ZNRF1: variants seen among roughly 807,000 people sequenced by gnomAD.
ZNRF1 encodes the protein zinc and ring finger 1.
Under a neutral mutation model 18.4 loss-of-function variants are expected in ZNRF1, and 3 were observed. That is an observed-to-expected ratio of 0.16 (90% CI 0.07 to 0.42). The LOEUF is 0.42. ZNRF1 is among the 10% of genes least tolerant of loss of function. ZNRF1 has a pLI of 0.99. For synonymous variants in ZNRF1, 157 were observed against 144.2 expected (o/e 1.09, Z -0.64); for missense variants, 310 against 329.8 (o/e 0.94, Z 0.47).
chr16:75,066,696 G>A (rs988154796), intron 1 of ZNRF1, among the ~76,000 whole-genome samples: 2 of 151,956 alleles, frequency 1.3e-5, no homozygotes, highest in African/African-American at 4.8e-5. Flanking sequence ...TAGAGATGGG[G>A]TTTCACCATG....
chr16:75,097,626 C>G (rs2036214536), intron 2 of ZNRF1, among the ~76,000 whole-genome samples: 1 of 152,068 alleles, frequency 6.6e-6, no homozygotes, highest in South Asian at 2.1e-4. Flanking sequence ...TTGAAACCAG[C>G]CTGGGCAACA....
chr16:75,035,197 CTATATTTTGTAATTTT>C (rs2035362209), intron 1 of ZNRF1, among the ~76,000 whole-genome samples: 1 of 147,228 alleles, frequency 6.8e-6, no homozygotes, highest in Middle Eastern at 3.3e-3. Flanking sequence ...GTGTGCACAA[CTATATTTTGTAATTTT>C]TGTAGTGACA....
intron 2 of ZNRF1, among the ~76,000 whole-genome samples, chr16:75,096,061 C>CGTGT (rs56013949): frequency 0.097 from 13,584 of 139,508 alleles, 695 homozygotes; most frequent in South Asian, 0.15. Flanking sequence ...TATGTGTGCA[C>CGTGT]GTGTGTGTGT....
In ZNRF1 at chr16:75,107,980, G is replaced by A. The variant is rs1255485428; in HGVS notation, c.*280G>A. On this transcript the variant is annotated 3_prime_UTR_variant, in exon 5 of 5. Coordinates refer to ENST00000335325, the MANE Select transcript of ZNRF1 (RefSeq NM_032268.5). ...TTCTTTTTCATCTTTGAAAGGCATT[G>A]TGGGTCTGTCTTTAAAGTGTTTACA... 1 of 351,852 alleles carries A rather than the reference G, an allele frequency of 2.8e-6. No individual in the cohort carries two copies. Among genetic ancestry groups the A allele is most frequent in the East Asian group, 7.8e-5 (1 of 12,770 alleles). The allele number at this position is 351,852 out of a possible 1,614,324, so 21.8% of individuals were successfully genotyped here. A position where few individuals can be genotyped will look rare whatever the true frequency, so the allele number is the denominator to read the frequency against.
At chr16:75,078,920 T>C (rs1402333164) in intron 1 of ZNRF1, among the ~76,000 whole-genome samples, 1 of 152,158 alleles carries the variant, frequency 6.6e-6, no homozygotes, top group Non-Finnish European at 1.5e-5. Flanking sequence ...CTTAACTTTC[T>C]TAACCTTGGA....
At chr16:75,090,431 A>G (rs1046518669) in intron 1 of ZNRF1, among the ~76,000 whole-genome samples, 4 of 152,096 alleles carry the variant, frequency 2.6e-5, no homozygotes, top group African/African-American at 9.7e-5. Flanking sequence ...TTGCCCGGGC[A>G]GGTCTCAAAC....
intron 2 of ZNRF1, chr16:75,095,641 C>A: frequency 6.5e-7 from 1 of 1,550,174 alleles, no homozygotes. Flanking sequence ...CTGAGAAAAC[C>A]TGGCTCTCAG....
chr16:75,038,860 A>AT (rs960814125), intron 1 of ZNRF1, among the ~76,000 whole-genome samples: 18 of 150,906 alleles, frequency 1.2e-4, no homozygotes, highest in African/African-American at 2.2e-4. Context: ...AAGTGCTGTT[A>AT]TTTTTTTTTT....
At chr16:75,089,678 CAG>C (rs1427374808) in intron 1 of ZNRF1, among the ~76,000 whole-genome samples, 1 of 152,210 alleles carries the variant, frequency 6.6e-6, no homozygotes, top group Non-Finnish European at 1.5e-5. Flanking sequence ...GTGTGCTACT[CAG>C]AGGCCTTCAC....
At chr16:75,005,597 A>G (rs572682107) in intron 1 of ZNRF1, among the ~76,000 whole-genome samples, 4 of 152,316 alleles carry the variant, frequency 2.6e-5, no homozygotes, top group African/African-American at 4.8e-5. Context: ...ATTCGTTCCA[A>G]TACCCACAGT....
intron 1 of ZNRF1, among the ~76,000 whole-genome samples, chr16:75,007,343 C>T (rs749624167): frequency 3.0e-4 from 46 of 152,192 alleles, no homozygotes; most frequent in East Asian, 1.2e-3. Flanking sequence ...GTGTCAGCGA[C>T]GATGCCAGAC....
intron 1 of ZNRF1, among the ~76,000 whole-genome samples, chr16:75,037,215 C>G (rs1173794009): frequency 1.3e-5 from 2 of 152,190 alleles, no homozygotes; most frequent in Non-Finnish European, 2.9e-5. Context: ...CCTGTTTCAG[C>G]AAACTCTTAA....
chr16:75,035,627 G>A (rs2035367386), intron 1 of ZNRF1, among the ~76,000 whole-genome samples: 1 of 152,184 alleles, frequency 6.6e-6, no homozygotes, highest in Non-Finnish European at 1.5e-5. Flanking sequence ...GGCCAAGTGG[G>A]CAACTTGAGA....
At chr16:75,045,571 GT>G (rs2035504600) in intron 1 of ZNRF1, among the ~76,000 whole-genome samples, 1 of 151,960 alleles carries the variant, frequency 6.6e-6, no homozygotes, top group Non-Finnish European at 1.5e-5. Flanking sequence ...TTGTTTGTTT[GT>G]TTGTTTGTTT....
At chr16:75,024,597 T>G (rs951705044) in intron 1 of ZNRF1, among the ~76,000 whole-genome samples, 14 of 152,148 alleles carry the variant, frequency 9.2e-5, no homozygotes, top group African/African-American at 3.4e-4. Context: ...AGATGGCTTG[T>G]AAGATGACAG....
intron 1 of ZNRF1, among the ~76,000 whole-genome samples, chr16:75,040,598 G>GATTTTTTTTTTTTTTTTTTTTTTTTTT (rs377309192): frequency 2.2e-5 from 1 of 46,356 alleles, no homozygotes; most frequent in African/African-American, 8.0e-5. Context: ...TTTTTTGTGG[G>GATTTTTTTTTTTTTTTTTTTTTTTTTT]TTTTTTTTTT....
chr16:75,010,004 A>G (rs1303374485), intron 1 of ZNRF1, among the ~76,000 whole-genome samples: 1 of 151,974 alleles, frequency 6.6e-6, no homozygotes, highest in Non-Finnish European at 1.5e-5. Context: ...TTCTTTTGAT[A>G]CGGAGTTTTG....
intron 1 of ZNRF1, among the ~76,000 whole-genome samples, chr16:75,050,758 C>G (rs2035586402): frequency 2.0e-5 from 3 of 150,126 alleles, no homozygotes; most frequent in Admixed American, 6.7e-5. Flanking sequence ...GTAGTCCCAG[C>G]TACTCAGGAG....
chr16:75,031,465 T>C (rs1170474068), intron 1 of ZNRF1, among the ~76,000 whole-genome samples: 4 of 152,120 alleles, frequency 2.6e-5, no homozygotes, highest in Non-Finnish European at 1.5e-5. Context: ...CTTGTTTTAC[T>C]TAAAAAAAAA....
Sources: allele counts gnomAD v4.1 joint callset (sites outside exome capture counted in the v4.1 genomes callset), GRCh38; gene constraint gnomAD v4.1.1; transcripts MANE v1.5; gene names NCBI Gene and HGNC (gene_info 2026-07-23, HGNC 2026-07-21).